Variants in NEXN observed in about 807,000 individuals in gnomAD.
The protein encoded by NEXN is nexilin.
NEXN carries 65 observed loss-of-function variants against 92.6 expected under a neutral mutation model. That is an observed-to-expected ratio of 0.70 (90% CI 0.57 to 0.86). The LOEUF (loss-of-function observed/expected upper bound fraction) is 0.86, where lower values mean the gene tolerates loss of function less well. Ranked by LOEUF, NEXN falls within the 40% of genes least tolerant of loss-of-function variation. NEXN has a pLI of 0.00. For synonymous variants in NEXN, 254 were observed against 242.5 expected (o/e 1.05, Z -0.44); for missense variants, 778 against 771.1 (o/e 1.01, Z -0.11).
chr1:77,940,113 T>C (rs570350903), intron 11 of NEXN, among the ~76,000 whole-genome samples: 1 of 152,308 alleles, frequency 6.6e-6, no homozygotes, highest in South Asian at 2.1e-4. Context: ...CTTTCAAGGC[T>C]CAACTCATTT....
intron 9 of NEXN, among the ~76,000 whole-genome samples, chr1:77,932,483 AAATAAAC>A (rs577268127): frequency 2.2e-3 from 334 of 152,358 alleles, no homozygotes; most frequent in Middle Eastern, 6.8e-3. Flanking sequence ...GCCAGACAGC[AAATAAAC>A]AATAAACTCA....
chr1:77,923,160 A>ATTTTT (rs763944057), intron 5 of NEXN, among the ~76,000 whole-genome samples: 1 of 124,382 alleles, frequency 8.0e-6, no homozygotes, highest in African/African-American at 3.1e-5. Context: ...CACCCAGCTA[A>ATTTTT]TTTTTTTTTT....
chr1:77,916,221 G>C, intron 2 of NEXN, 88 bp downstream of exon 2: 1 of 1,039,234 alleles, frequency 9.6e-7, no homozygotes, highest in Non-Finnish European at 1.4e-6. Context: ...TTGGTGGAAA[G>C]GTCATATTTA....
In NEXN at chr1:77,929,450, CAGA is replaced by C. The variant is rs794729090; in HGVS notation, c.1002_1004del (p.Arg336del). On this transcript the variant is annotated inframe_deletion, in exon 9 of 13. Transcript: ENST00000334785. ...AAAAAAGGAAAGCAGAAGAAGAAGCCAGAAGGAGAATAGAGGAAGAAAAGAAGG... is the reference window on the plus strand; with the variant it reads ...AAAAAAGGAAAGCAGAAGAAGAAGCCAGGAGAATAGAGGAAGAAAAGAAGG... 1.2e-6 allele frequency: 2 copies of C among 1,606,994 alleles called. No individual in the cohort carries two copies. The highest frequency in any genetic ancestry group is 1.1e-5 in the South Asian group (1 of 90,876).
Position 77,918,006 on chromosome 1 carries a change from A to C in NEXN, c.266A>C (p.Lys89Thr). Residue 89 changes from lysine to threonine, a missense_variant, in exon 4 of 13, where the codon AAA becomes ACA. Physicochemically the swap from Lys to Thr is moderately conservative, Grantham distance 78 (BLOSUM62 -1). This residue lies in a region of NEXN where 236 missense variants were observed against 265.6 expected (regional missense o/e 0.89). Coordinates refer to ENST00000334785, the MANE Select transcript of NEXN (RefSeq NM_144573.4). ...GATGATGAGGAAGATGTATCTTCTA[A>C]AGTAGAAAAGGCTTATGTTCCAAAA... ...ASDDEEDVSS[K>T]VEKAYVPKLT... 6.2e-7 allele frequency: 1 copy of C among 1,613,594 alleles called. No individual in the cohort carries two copies. Among genetic ancestry groups the C allele is most frequent in the Non-Finnish European group, 8.5e-7 (1 of 1,179,676 alleles).
At chr1:77,923,535 T>G (rs1288481694) in intron 5 of NEXN, among the ~76,000 whole-genome samples, 1 of 152,140 alleles carries the variant, frequency 6.6e-6, no homozygotes, top group Non-Finnish European at 1.5e-5. Flanking sequence ...CCATTGCTTT[T>G]GTTTTCTTTT....
rs1326700558 is a variant in NEXN, at chr1:77,897,864, T to G, written c.-53+9105T>G. Among the ~76,000 whole-genome samples the G allele has an allele frequency of 3.3e-5, 5 of 151,466 alleles. No individual in the cohort carries two copies. In the East Asian group the frequency reaches 9.7e-4, roughly 29 times the overall value. On this transcript the variant is annotated intron_variant, in intron 1 of 12. Coordinates refer to ENST00000334785, the MANE Select transcript of NEXN (RefSeq NM_144573.4). Reference sequence around the variant, plus strand: ...AATCACAAGCATTCTTATACACCAATAACAGACAAACAGAGAGCCAAATCA... The same window carrying G: ...AATCACAAGCATTCTTATACACCAAGAACAGACAAACAGAGAGCCAAATCA...
chr1:77,918,392 A>C (rs935710086), intron 5 of NEXN, 119 bp downstream of exon 5: 306 of 1,214,602 alleles, frequency 2.5e-4, no homozygotes, highest in Non-Finnish European at 3.2e-4. Flanking sequence ...AAAAGCAGCT[A>C]ACCGTCTGGG....
At chr1:77,910,762 A>AAAAAAAAAAAAC (rs1557968907) in intron 1 of NEXN, among the ~76,000 whole-genome samples, 7 of 135,358 alleles carry the variant, frequency 5.2e-5, no homozygotes, top group Admixed American at 7.5e-5. Flanking sequence ...AAAAAAAAAA[A>AAAAAAAAAAAAC]AAAAAAAAAC....
In NEXN at chr1:77,943,048, TCAAAGCACAGC is replaced by T. The variant is rs1651534357; in HGVS notation, c.*220_*230del. On this transcript the variant is annotated 3_prime_UTR_variant, in exon 13 of 13. Transcript: ENST00000334785. ...TTCTTATTCCTTTTCATAACAGTCT[TCAAAGCACAGC>T]TCATCTAAAGAATGCCTACTTCTTT... 1 of 575,286 alleles carries T rather than the reference TCAAAGCACAGC, an allele frequency of 1.7e-6. No individual in the cohort carries two copies. The highest frequency in any genetic ancestry group is 3.7e-5 in the East Asian group (1 of 26,790). 35.6% of individuals were successfully genotyped at this position (575,286 alleles called of 1,614,324 possible). A position where few individuals can be genotyped will look rare whatever the true frequency, so the allele number is the denominator to read the frequency against.
At chr1:77,917,844 C>T in intron 3 of NEXN, 87 bp downstream of exon 3, 1 of 1,409,198 alleles carries the variant, frequency 7.1e-7, no homozygotes, top group Non-Finnish European at 1.0e-6. Context: ...CCACATTTCA[C>T]ATTAACTATA....
At chr1:77,904,552 C>T (rs542320005) in intron 1 of NEXN, among the ~76,000 whole-genome samples, 2 of 152,210 alleles carry the variant, frequency 1.3e-5, no homozygotes, top group African/African-American at 2.4e-5. Flanking sequence ...TATGTGATAG[C>T]TTTTGGGGGT....
At chr1:77,907,723 A>AT (rs1322851199) in intron 1 of NEXN, among the ~76,000 whole-genome samples, 2 of 152,046 alleles carry the variant, frequency 1.3e-5, no homozygotes, top group African/African-American at 4.8e-5. Flanking sequence ...TAATTTGAGG[A>AT]TTTTTTACAA....
rs1415002998 is a variant in NEXN at position 77,902,313 on chromosome 1, A to T, written c.-53+13554A>T. On this transcript the variant is annotated intron_variant, in intron 1 of 12. Coordinates refer to ENST00000334785, the MANE Select transcript of NEXN (RefSeq NM_144573.4). ...CTTTCCTTTAACGTACTGCAGTTTTAAAAAAATCCTTAAATTTTATTTGTA... is the reference window on the plus strand; with the variant it reads ...CTTTCCTTTAACGTACTGCAGTTTTTAAAAAATCCTTAAATTTTATTTGTA... Among the ~76,000 whole-genome samples, 4 of 152,258 alleles carry T rather than the reference A, an allele frequency of 2.6e-5. No homozygotes were observed. The East Asian group carries it at 5.8e-4, about 22-fold the overall frequency.
chr1:77,890,654 G>T (rs566481537), intron 1 of NEXN, among the ~76,000 whole-genome samples: 37 of 152,074 alleles, frequency 2.4e-4, no homozygotes, highest in African/African-American at 8.7e-4. Context: ...GACATTAATT[G>T]GGGATTCAGA....
intron 1 of NEXN, among the ~76,000 whole-genome samples, chr1:77,899,734 G>T (rs934481843): frequency 6.6e-6 from 1 of 151,882 alleles, no homozygotes; most frequent in African/African-American, 2.4e-5. Context: ...TTGACTTTTT[G>T]TTCCCTTTCA....
intron 11 of NEXN, among the ~76,000 whole-genome samples, chr1:77,938,037 A>T (rs1300500205): frequency 6.6e-6 from 1 of 152,108 alleles, no homozygotes; most frequent in African/African-American, 2.4e-5. Context: ...GGTGATGGAG[A>T]GGAAGAGGAA....
At chr1:77,941,946 A>T (rs538583851) in intron 11 of NEXN, 77 bp from the exon 12 acceptor site, 1 of 1,428,308 alleles carries the variant, frequency 7.0e-7, no homozygotes, top group Non-Finnish European at 9.7e-7. Flanking sequence ...TTGTGCTTCT[A>T]AACACCTTTA....
chr1:77,909,175 C>T (rs1648370590), intron 1 of NEXN, among the ~76,000 whole-genome samples: 1 of 152,096 alleles, frequency 6.6e-6, no homozygotes, highest in Admixed American at 6.6e-5. Flanking sequence ...AATCCCAAAA[C>T]TTTGGGAGGC....
Sources: allele counts gnomAD v4.1 joint callset (sites outside exome capture counted in the v4.1 genomes callset), GRCh38; gene constraint gnomAD v4.1.1; regional missense constraint gnomAD v4.1.1; transcripts MANE v1.5; gene names NCBI Gene and HGNC (gene_info 2026-07-23, HGNC 2026-07-21).